Variants in ARID3A observed in about 807,000 individuals in gnomAD.
The protein encoded by ARID3A is AT-rich interaction domain 3A, also known as AT-rich interactive domain-containing protein 3A.
ARID3A carries 11 observed loss-of-function variants against 52.7 expected under a neutral mutation model. The observed-to-expected ratio is 0.21, with a 90% CI of 0.13 to 0.35. ARID3A has a LOEUF of 0.35. Among genes scored for constraint, ARID3A ranks in the 10% least tolerant of loss-of-function variants. The pLI is 1.00. For missense variants in ARID3A, 721 were observed against 838.5 expected (o/e 0.86, Z 1.73); for synonymous variants, 404 against 359.4 (o/e 1.12, Z -1.40).
rs57620894 is a variant in ARID3A, at chr19:972,801, CAAAAAAAAAAAAAAAAAAAA to C, written c.*747_*766del. ...GTCTTGAAAAAGCAAGAAAAAAAAG[CAAAAAAAAAAAAAAAAAAAA>C]AAAAAAAAAACTCACCTTTTTATTT... On this transcript the variant is annotated 3_prime_UTR_variant, in exon 9 of 9. Transcript: ENST00000263620. The C allele has an allele frequency of 2.7e-5, 2 of 74,966 alleles. No homozygotes were observed. Among genetic ancestry groups the C allele is most frequent in the South Asian group, 4.4e-4 (1 of 2,278 alleles). The allele number at this position is 74,966 out of a possible 1,614,324, so 4.6% of individuals were successfully genotyped here. A position where few individuals can be genotyped will look rare whatever the true frequency, so the allele number is the denominator to read the frequency against.
chr19:963,083 G>T (rs1325484966), intron 4 of ARID3A, among the ~76,000 whole-genome samples: 1 of 152,174 alleles, frequency 6.6e-6, no homozygotes, highest in Non-Finnish European at 1.5e-5. Flanking sequence ...TTTCTGGAAG[G>T]TCAGACACCG....
Position 959,353 on chromosome 19 carries a change from AGCCTCCACT to A in ARID3A, c.694-735_694-727del, listed in dbSNP as rs1260099510. On this transcript the variant is annotated intron_variant, in intron 3 of 8. Transcript: ENST00000263620. This position sits in a 1 kb window ranked among gnomAD's most constrained non-coding sequence, Gnocchi z 5.0. ...CAGTGGTGCGGTCTCGGCTCACTTC[AGCCTCCACT>A]GCCCAGGCTCAAGCAATCCTCCCAC... 2.6e-5 allele frequency among the ~76,000 whole-genome samples: 4 copies of A among 152,058 alleles called. No homozygotes were observed. The highest frequency in any genetic ancestry group is 4.4e-5 in the Non-Finnish European group (3 of 67,998).
rs201781616 is a variant in ARID3A at position 960,070 on chromosome 19, C to T, written c.694-22C>T. The T allele has an allele frequency of 5.6e-6, 9 of 1,606,754 alleles. No homozygotes were observed. Among genetic ancestry groups the T allele is most frequent in the Non-Finnish European group, 6.0e-6 (7 of 1,175,098 alleles). On this transcript the variant is annotated intron_variant, in intron 3 of 8. Coordinates refer to ENST00000263620, the MANE Select transcript of ARID3A (RefSeq NM_005224.3). This position sits in a 1 kb window ranked among gnomAD's most constrained non-coding sequence, Gnocchi z 4.3. Reference sequence around the variant, plus strand: ...ACCTGAGCTCTGGCACCAACTAACCCATCCCCTCTCCACCCTCACAGCTCT... The same window carrying T: ...ACCTGAGCTCTGGCACCAACTAACCTATCCCCTCTCCACCCTCACAGCTCT...
chr19:965,626 C>T (rs891664282), intron 6 of ARID3A, among the ~76,000 whole-genome samples: 12 of 151,864 alleles, frequency 7.9e-5, no homozygotes, highest in East Asian at 1.9e-4. Context: ...CCCAGGAGGT[C>T]GAGGCTGTGG....
At chr19:955,288 CAGA>C (rs1326632204) in intron 3 of ARID3A, among the ~76,000 whole-genome samples, 1 of 152,322 alleles carries the variant, frequency 6.6e-6, no homozygotes, top group East Asian at 1.9e-4. Flanking sequence ...AACCGGGGGC[CAGA>C]GACCCATAAA....
At chr19:933,856 G>GGT (rs56228974) in intron 3 of ARID3A, among the ~76,000 whole-genome samples, 14,598 of 143,140 alleles carry the variant, frequency 0.1, 1,042 homozygotes, top group Admixed American at 0.13. Flanking sequence ...TGGGGGGGGG[G>GGT]GGCGTCTCGC....
chr19:936,699 G>A (rs778634003), intron 3 of ARID3A, among the ~76,000 whole-genome samples: 28 of 151,910 alleles, frequency 1.8e-4, no homozygotes, highest in Non-Finnish European at 3.4e-4. Flanking sequence ...AAAATTAGCC[G>A]GGCGTGGCAG....
chr19:935,794 G>A (rs994634491), intron 3 of ARID3A, among the ~76,000 whole-genome samples: 29 of 151,176 alleles, frequency 1.9e-4, no homozygotes, highest in Non-Finnish European at 2.5e-4. Flanking sequence ...TTATATATTT[G>A]TTTATTTATT....
chr19:971,868 C>T lies in ARID3A; in HGVS notation c.1595-10C>T. On this transcript the variant is annotated splice_polypyrimidine_tract_variant and intron_variant, in intron 8 of 8. Coordinates refer to ENST00000263620, the MANE Select transcript of ARID3A (RefSeq NM_005224.3). The stretch of plus-strand genomic sequence containing the variant: ...CTCTGCATGGCATATGTCTTCTGTT[C>T]TTGCCTTAGGAGTTCTGTTTGCTCA... 6.3e-7 allele frequency: 1 copy of T among 1,595,556 alleles called. No homozygotes were observed. The highest frequency in any genetic ancestry group is 1.4e-5 in the African/African-American group (1 of 73,002).
At position 968,037 on chromosome 19, in the gene ARID3A, T is replaced by G. The variant is rs1599428569; in HGVS notation, c.1496-368T>G. On this transcript the variant is annotated intron_variant, in intron 7 of 8. Transcript: ENST00000263620. ...TCCAGCCTGGGTGACAGAGTGAGAC[T>G]CCGTCTCAAAAAAAAAAAAAAAGAA... Among the ~76,000 whole-genome samples the G allele has an allele frequency of 4.4e-5, 5 of 114,270 alleles. No individual in the cohort carries two copies. The South Asian group carries it at 1.3e-3, about 31-fold the overall frequency. 75.0% of individuals were successfully genotyped at this position (114,270 alleles called of 152,430 possible). A position where few individuals can be genotyped will look rare whatever the true frequency, so the allele number is the denominator to read the frequency against.
chr19:931,119 C>A (rs2037318290), intron 2 of ARID3A, among the ~76,000 whole-genome samples: 1 of 151,910 alleles, frequency 6.6e-6, no homozygotes, highest in Admixed American at 6.6e-5. Context: ...CCTAGTGAGG[C>A]CCCATTTCTA....
intron 3 of ARID3A, among the ~76,000 whole-genome samples, chr19:946,263 T>C (rs1416754916): frequency 6.6e-6 from 1 of 151,664 alleles, no homozygotes; most frequent in African/African-American, 2.4e-5. Context: ...TATTTATTTA[T>C]TTATGTATTT....
Position 974,803 on chromosome 19 carries a change from A to G in ARID3A, c.*2738A>G, listed in dbSNP as rs1349097391. 6.6e-6 allele frequency: 1 copy of G among 152,156 alleles called. No homozygotes were observed. Among genetic ancestry groups the G allele is most frequent in the Non-Finnish European group, 1.3e-5 (1 of 75,336 alleles). The allele number at this position is 152,156 out of a possible 1,614,324, so 9.4% of individuals were successfully genotyped here. ...GATCCGGCCTCCCGGCGGTGGGTGG[A>G]CCTGGATTCTAACTCAGAGGACTTG... On this transcript the variant is annotated 3_prime_UTR_variant, in exon 9 of 9. Transcript: ENST00000263620.
chr19:931,992 A>G (rs2037339827), intron 2 of ARID3A, among the ~76,000 whole-genome samples: 1 of 151,726 alleles, frequency 6.6e-6, no homozygotes, highest in Non-Finnish European at 1.5e-5. Context: ...AGCCTGCCGT[A>G]ATGATTCCCT....
chr19:943,926 C>T (rs112772553), intron 3 of ARID3A, among the ~76,000 whole-genome samples: 1 of 151,082 alleles, frequency 6.6e-6, no homozygotes, highest in African/African-American at 2.4e-5. Context: ...TTACGGGGCA[C>T]CTGCTGTATG....
intron 3 of ARID3A, among the ~76,000 whole-genome samples, chr19:957,425 G>A (rs565714766): frequency 5.9e-4 from 90 of 152,366 alleles, no homozygotes; most frequent in African/African-American, 2.0e-3. Context: ...AGCAGAGCCA[G>A]TTCTCGGAAC....
In ARID3A at chr19:973,910, T is replaced by C. The variant is rs370210748; in HGVS notation, c.*1845T>C. ...TGCCCAGCAGGGTCTGGGGACTTCGTTGGACCCGCGTGGTGTTGGGCGGGG... is the reference window on the plus strand; with the variant it reads ...TGCCCAGCAGGGTCTGGGGACTTCGCTGGACCCGCGTGGTGTTGGGCGGGG... On this transcript the variant is annotated 3_prime_UTR_variant, in exon 9 of 9. Transcript: ENST00000263620. 1.5e-4 allele frequency: 34 copies of C among 230,716 alleles called. No homozygotes were observed. Among genetic ancestry groups the C allele is most frequent in the South Asian group, 3.6e-4 (2 of 5,514 alleles). The allele number at this position is 230,716 out of a possible 1,614,324, so 14.3% of individuals were successfully genotyped here.
In ARID3A at chr19:932,569, C is replaced by A. The variant is rs570019877; in HGVS notation, c.520C>A (p.Pro174Thr). Reference sequence around the variant, plus strand: ...CAGCTTGGGCACCACGGCACTGTTCCCCCGAAAGGCCCAGCCACCCCAGGC... The same window carrying A: ...CAGCTTGGGCACCACGGCACTGTTCACCCGAAAGGCCCAGCCACCCCAGGC... ...PASLGTTALF[P>T]RKAQPPQAFR... The change falls in exon 3 of 9, where the codon CCC (proline) becomes ACC (threonine). Residue 174 changes from proline (P) to threonine (T), a missense_variant. By Grantham distance (38) the Pro-to-Thr change is conservative (BLOSUM62 -1). Coordinates refer to ENST00000263620, the MANE Select transcript of ARID3A (RefSeq NM_005224.3). 2 of 1,503,534 alleles carry A rather than the reference C, an allele frequency of 1.3e-6. No individual in the cohort carries two copies. Among genetic ancestry groups the A allele is most frequent in the Admixed American group, 4.9e-5 (2 of 40,564 alleles). 93.1% of individuals were successfully genotyped at this position (1,503,534 alleles called of 1,614,324 possible).
At chr19:962,267 TCTAA>T (rs776965314) in intron 4 of ARID3A, among the ~76,000 whole-genome samples, 17 of 151,848 alleles carry the variant, frequency 1.1e-4, no homozygotes, top group Non-Finnish European at 1.9e-4. Context: ...AGTAAAAAAC[TCTAA>T]CTAAATTTCT....
Sources: allele counts gnomAD v4.1 joint callset (sites outside exome capture counted in the v4.1 genomes callset), GRCh38; gene constraint gnomAD v4.1.1; non-coding constraint Gnocchi (gnomAD v3.1); transcripts MANE v1.5; gene names NCBI Gene and HGNC (gene_info 2026-07-23, HGNC 2026-07-21).